Variants in CTBP2 observed in about 807,000 individuals in gnomAD.
CTBP2 encodes the protein C-terminal-binding protein 2.
A neutral mutation model predicts 80.3 loss-of-function variants in CTBP2; 30 were observed. The ratio of observed to expected loss-of-function variants is 0.37; its 90% CI spans 0.28 to 0.51. The LOEUF is 0.51. CTBP2 is among the 20% of genes least tolerant of loss of function. CTBP2 has a pLI of 0.93. For missense variants in CTBP2, 1,212 were observed against 1,375.3 expected, an observed-to-expected ratio of 0.88 and a Z score of 1.88; for synonymous variants, 594 against 587.4, an observed-to-expected ratio of 1.01 and a Z score of -0.16.
intron 2 of CTBP2, among the ~76,000 whole-genome samples, chr10:125,088,816 T>C (rs1848372722): frequency 6.6e-6 from 1 of 152,162 alleles, no homozygotes; most frequent in South Asian, 2.1e-4. Flanking sequence ...CCCACCTGCC[T>C]TCAAGAACTG....
intron 2 of CTBP2, among the ~76,000 whole-genome samples, chr10:125,056,222 A>G (rs1322729838): frequency 6.6e-6 from 1 of 151,648 alleles, no homozygotes; most frequent in Non-Finnish European, 1.5e-5. Context: ...TAACTAATAA[A>G]CAAAAGCAGC....
At position 125,028,018 on chromosome 10, in the gene CTBP2, C is replaced by A; in HGVS notation, c.-259G>T. 1.0e-6 allele frequency: 1 copy of A among 978,464 alleles called. No homozygotes were observed. Among genetic ancestry groups the A allele is most frequent in the South Asian group, 2.6e-5 (1 of 38,836 alleles). The allele number at this position is 978,464 out of a possible 1,614,324, so 60.6% of individuals were successfully genotyped here. On this transcript the variant is annotated 5_prime_UTR_variant, in exon 1 of 9. Transcript: ENST00000309035. Reference sequence around the variant, plus strand: ...AGGTCTGTTCCTTACAGCTCAGTCCCGGAGAGGAGGCTGTCCCCAGCCTGC... The same window carrying A: ...AGGTCTGTTCCTTACAGCTCAGTCCAGGAGAGGAGGCTGTCCCCAGCCTGC...
intron 1 of CTBP2, among the ~76,000 whole-genome samples, chr10:125,016,577 G>C (rs1956515808): frequency 6.6e-6 from 1 of 152,244 alleles, no homozygotes; most frequent in Non-Finnish European, 1.5e-5. Flanking sequence ...GCTGAGATGG[G>C]AGAGGGAGAA....
chr10:125,149,564 C>T (rs538519144), intron 1 of CTBP2, among the ~76,000 whole-genome samples: 2 of 152,148 alleles, frequency 1.3e-5, no homozygotes, highest in Non-Finnish European at 2.9e-5. Context: ...GCGGGGGGCA[C>T]CCAACATCCA....
intron 2 of CTBP2, among the ~76,000 whole-genome samples, chr10:125,103,394 TG>T (rs1480950086): frequency 3.3e-5 from 5 of 152,238 alleles, no homozygotes; most frequent in African/African-American, 1.2e-4. Context: ...GAAATCACTC[TG>T]GAAGGTTCTA....
At chr10:125,101,915 G>T (rs1284949754) in intron 2 of CTBP2, among the ~76,000 whole-genome samples, 1 of 152,158 alleles carries the variant, frequency 6.6e-6, no homozygotes, top group Non-Finnish European at 1.5e-5. Context: ...GCATTGTGGT[G>T]AAGTCAGGGC....
At chr10:125,115,604 CTG>C (rs1466411601) in intron 1 of CTBP2, among the ~76,000 whole-genome samples, 1 of 152,190 alleles carries the variant, frequency 6.6e-6, no homozygotes, top group Non-Finnish European at 1.5e-5. Flanking sequence ...CACTCAATAA[CTG>C]TGTGTCATCA....
chr10:125,017,210 G>A (rs980603629), intron 1 of CTBP2, among the ~76,000 whole-genome samples: 7 of 152,216 alleles, frequency 4.6e-5, no homozygotes, highest in Admixed American at 4.6e-4. Flanking sequence ...GTGACACGCA[G>A]GAGGCTGTCG....
At chr10:125,151,403 T>C (rs569850574) in intron 1 of CTBP2, among the ~76,000 whole-genome samples, 19 of 152,284 alleles carry the variant, frequency 1.2e-4, no homozygotes, top group Admixed American at 6.5e-5. Flanking sequence ...AAGGTCTCAG[T>C]GGCCCTCGCT....
rs368152929 is a variant in CTBP2 at position 125,072,022 on chromosome 10, A to G, written c.-101-32867T>C. Among the ~76,000 whole-genome samples, 7 of 152,316 alleles carry G rather than the reference A, an allele frequency of 4.6e-5. No homozygotes were observed. The East Asian group carries it at 7.7e-4, about 17-fold the overall frequency. On this transcript the variant is annotated intron_variant, in intron 2 of 10. Coordinates refer to the CTBP2 transcript ENST00000337195. ...GGCCCTAGACATCCACACCATGGAC[A>G]AACCCTGAGACCTGGACATGGGCTT...
At chr10:125,086,434 C>G (rs1277375122) in intron 2 of CTBP2, among the ~76,000 whole-genome samples, 1 of 151,770 alleles carries the variant, frequency 6.6e-6, no homozygotes, top group Non-Finnish European at 1.5e-5. Flanking sequence ...TCTCAGCTAC[C>G]CGGGAGACTG....
intron 2 of CTBP2, among the ~76,000 whole-genome samples, chr10:125,078,778 A>G (rs551106481): frequency 6.6e-6 from 1 of 152,082 alleles, no homozygotes; most frequent in East Asian, 1.9e-4. Context: ...ACCAATAATA[A>G]TGTTCTTTCT....
intron 2 of CTBP2, among the ~76,000 whole-genome samples, chr10:125,079,255 G>A (rs1333702177): frequency 6.6e-6 from 1 of 151,774 alleles, no homozygotes; most frequent in Non-Finnish European, 1.5e-5. Flanking sequence ...CATGTGTGAC[G>A]CTCCTGCTCT....
At chr10:125,084,293 G>A (rs1847640231) in intron 2 of CTBP2, among the ~76,000 whole-genome samples, 1 of 152,210 alleles carries the variant, frequency 6.6e-6, no homozygotes, top group Admixed American at 6.5e-5. Context: ...AGGATGCCTT[G>A]AGGGGCTTGG....
At chr10:125,005,091 A>C (rs1450760444) in intron 1 of CTBP2, among the ~76,000 whole-genome samples, 3 of 152,198 alleles carry the variant, frequency 2.0e-5, no homozygotes, top group Admixed American at 2.0e-4. Flanking sequence ...CCGTGACTGC[A>C]TCCTGTTAAG....
At chr10:125,106,480 G>C (rs1010656148) in intron 2 of CTBP2, among the ~76,000 whole-genome samples, 5 of 152,226 alleles carry the variant, frequency 3.3e-5, no homozygotes, top group Admixed American at 3.3e-4. Context: ...ACACATGCTG[G>C]CAGGTGGATC....
chr10:125,090,557 G>A (rs1177799081), intron 2 of CTBP2, among the ~76,000 whole-genome samples: 1 of 151,778 alleles, frequency 6.6e-6, no homozygotes, highest in Non-Finnish European at 1.5e-5. Context: ...GAGGCCAGGA[G>A]TTTGACACCA....
At chr10:125,161,064 T>TG (rs1861844187), upstream of CTBP2, 1 of 99,392 alleles carries the variant, frequency 1.0e-5, no homozygotes, top group Non-Finnish European at 2.2e-5. Flanking sequence ...TCGCTCCTGT[T>TG]TTTGGGGGGG....
chr10:125,031,488 C>CAAAAAAAAA (rs11463934), upstream of CTBP2, among the ~76,000 whole-genome samples: 44 of 33,696 alleles, frequency 1.3e-3, 2 homozygotes, highest in African/African-American at 2.0e-3. Flanking sequence ...GACTCCATTT[C>CAAAAAAAAA]AAAAAAAAAA....
Sources: allele counts gnomAD v4.1 joint callset (sites outside exome capture counted in the v4.1 genomes callset), GRCh38; gene constraint gnomAD v4.1.1; transcripts MANE v1.5; gene names NCBI Gene and HGNC (gene_info 2026-07-23, HGNC 2026-07-21).